Variants in GARNL3 observed in about 807,000 individuals in gnomAD.
The protein encoded by GARNL3 is GTPase activating Rap/RanGAP domain like 3.
GARNL3 carries 63 observed loss-of-function variants against 125.0 expected under a neutral mutation model. That is an observed-to-expected ratio of 0.50 (90% CI 0.41 to 0.62). The LOEUF (loss-of-function observed/expected upper bound fraction) is 0.62, where lower values mean the gene tolerates loss of function less well. Ranked by LOEUF, GARNL3 falls within the 20% of genes least tolerant of loss-of-function variation. GARNL3 has a pLI of 0.00. For synonymous variants in GARNL3, 439 were observed against 457.5 expected (o/e 0.96, Z 0.52); for missense variants, 994 against 1,244.0 (o/e 0.80, Z 3.02).
intron 26 of GARNL3, among the ~76,000 whole-genome samples, chr9:127,390,243 T>G (rs10987630): frequency 1.3e-5 from 2 of 152,174 alleles, no homozygotes; most frequent in South Asian, 4.1e-4. Flanking sequence ...TGGTGCCTTC[T>G]ACTGTGTTTT....
chr9:127,352,923 C>T (rs1265802064), intron 17 of GARNL3, among the ~76,000 whole-genome samples: 1 of 152,308 alleles, frequency 6.6e-6, no homozygotes, highest in Non-Finnish European at 1.5e-5. Context: ...CCAGCCACTT[C>T]TCCTGCCCCA....
chr9:127,228,313 T>C (rs1015032672), intron 1 of GARNL3, among the ~76,000 whole-genome samples: 2 of 152,252 alleles, frequency 1.3e-5, no homozygotes, highest in Admixed American at 1.3e-4. Flanking sequence ...CATAAATTTA[T>C]AGAAGTGATG....
At chr9:127,338,071 C>T (rs757877999) in intron 11 of GARNL3, 45 bp from the exon 12 acceptor site, 11 of 1,432,162 alleles carry the variant, frequency 7.7e-6, no homozygotes, top group Non-Finnish European at 9.9e-6. Context: ...AGCTGTCAGT[C>T]GTGAGCATCA....
intron 7 of GARNL3, among the ~76,000 whole-genome samples, chr9:127,330,188 A>C (rs547685570): frequency 5.3e-5 from 8 of 152,250 alleles, no homozygotes; most frequent in Admixed American, 4.6e-4. Context: ...GAGAACCACT[A>C]CTGTAGTTCC....
intron 22 of GARNL3, among the ~76,000 whole-genome samples, chr9:127,372,310 G>T (rs1831654736): frequency 6.6e-6 from 1 of 152,164 alleles, no homozygotes; most frequent in Non-Finnish European, 1.5e-5. Context: ...ATGTGTAGGG[G>T]AATAAGAGTA....
chr9:127,322,173 G>C (rs1285031991), intron 6 of GARNL3, among the ~76,000 whole-genome samples: 1 of 152,128 alleles, frequency 6.6e-6, no homozygotes, highest in African/African-American at 2.4e-5. Flanking sequence ...TTATAAATAT[G>C]TCAGTACCCA....
upstream of GARNL3, among the ~76,000 whole-genome samples, chr9:127,263,297 CT>C (rs2063630492): frequency 6.6e-6 from 1 of 152,180 alleles, no homozygotes. Flanking sequence ...GCTCTACATC[CT>C]TGCTTTTTTC....
intron 1 of GARNL3, among the ~76,000 whole-genome samples, chr9:127,269,846 C>A (rs1377388715): frequency 6.9e-6 from 1 of 145,712 alleles, no homozygotes; most frequent in East Asian, 2.0e-4. Flanking sequence ...GTTATTTGTC[C>A]CTTATCAGAT....
At chr9:127,288,473 G>A (rs2064316210) in intron 1 of GARNL3, among the ~76,000 whole-genome samples, 1 of 152,208 alleles carries the variant, frequency 6.6e-6, no homozygotes, top group Non-Finnish European at 1.5e-5. Flanking sequence ...AGCAGTGGTA[G>A]ATGGGTGTAT....
intron 2 of GARNL3, among the ~76,000 whole-genome samples, chr9:127,304,859 A>C (rs1209679426): frequency 1.3e-5 from 2 of 152,236 alleles, no homozygotes; most frequent in South Asian, 2.1e-4. Context: ...CTTAATAGCC[A>C]AAAACCAGAA....
intron 2 of GARNL3, among the ~76,000 whole-genome samples, chr9:127,297,702 AG>A (rs2064646156): frequency 6.6e-6 from 1 of 152,252 alleles, no homozygotes; most frequent in Admixed American, 6.5e-5. Flanking sequence ...AATTCTATTT[AG>A]TAAAATTCAG....
intron 2 of GARNL3, among the ~76,000 whole-genome samples, chr9:127,303,892 A>G (rs989783978): frequency 7.2e-5 from 11 of 152,176 alleles, no homozygotes; most frequent in Admixed American, 2.6e-4. Flanking sequence ...AAGATAATGA[A>G]GACAGTGAGA....
chr9:127,248,437 C>T (rs1388197673), intron 2 of GARNL3, among the ~76,000 whole-genome samples: 3 of 152,132 alleles, frequency 2.0e-5, no homozygotes, highest in Non-Finnish European at 2.9e-5. Context: ...TGGCAGGTGC[C>T]TGCCTGTCTG....
chr9:127,345,584 T>C, intron 16 of GARNL3, 107 bp downstream of exon 16: 1 of 705,192 alleles, frequency 1.4e-6, no homozygotes, highest in Non-Finnish European at 2.3e-6. Flanking sequence ...GAAGAGCATG[T>C]CTACTGCAGA....
chr9:127,329,823 G>C (rs1185058244), intron 7 of GARNL3, among the ~76,000 whole-genome samples: 1 of 152,124 alleles, frequency 6.6e-6, no homozygotes, highest in African/African-American at 2.4e-5. Context: ...GAGCTTCCCT[G>C]TCCTGTCTTA....
At chr9:127,298,712 T>C (rs912939565) in intron 2 of GARNL3, among the ~76,000 whole-genome samples, 3 of 152,212 alleles carry the variant, frequency 2.0e-5, no homozygotes, top group African/African-American at 7.2e-5. Context: ...AAACAGTACA[T>C]GTGGTTTTAA....
upstream of GARNL3, among the ~76,000 whole-genome samples, chr9:127,259,865 C>T (rs1186540911): frequency 6.6e-6 from 1 of 151,758 alleles, no homozygotes; most frequent in Non-Finnish European, 1.5e-5. Context: ...TGAGACCCCC[C>T]CGCCCATCTC....
chr9:127,344,817 C>G (rs1301006238), intron 15 of GARNL3, among the ~76,000 whole-genome samples: 2 of 152,198 alleles, frequency 1.3e-5, no homozygotes, highest in Non-Finnish European at 2.9e-5. Context: ...TCCCCTTATT[C>G]CAGGCATTGG....
chr9:127,334,053 G>T (rs1410573223), intron 9 of GARNL3, among the ~76,000 whole-genome samples: 1 of 152,104 alleles, frequency 6.6e-6, no homozygotes, highest in African/African-American at 2.4e-5. Flanking sequence ...TGGTAGAATT[G>T]GCAAGTGGAG....
Sources: gnomAD v4.1 joint callset for allele counts (sites outside exome capture counted in the v4.1 genomes callset) on GRCh38, gnomAD v4.1.1 for gene constraint, MANE v1.5 for transcripts, NCBI Gene and HGNC (gene_info 2026-07-23, HGNC 2026-07-21) for gene names.